Variants in RECQL observed in about 807,000 individuals in gnomAD.
The protein encoded by RECQL is ATP-dependent DNA helicase Q1.
In RECQL, 73 loss-of-function variants were observed where a neutral mutation model predicts 75.8. The observed-to-expected ratio is 0.96, with a 90% CI of 0.80 to 1.17. The LOEUF (loss-of-function observed/expected upper bound fraction) is 1.17, where lower values mean the gene tolerates loss of function less well. Among genes scored for constraint, RECQL ranks in the 50% most tolerant of loss-of-function variants. The pLI, the probability that RECQL is intolerant of heterozygous loss-of-function variation, is 0.00. For synonymous variants in RECQL, 248 were observed against 254.4 expected, an observed-to-expected ratio of 0.97 and a Z score of 0.24; for missense variants, 699 against 772.1, an observed-to-expected ratio of 0.91 and a Z score of 1.12.
In RECQL at chr12:21,473,650, C is replaced by A. The variant is rs1463056049; in HGVS notation, c.1356-8G>T. On this transcript the variant is annotated splice_polypyrimidine_tract_variant and splice_region_variant and intron_variant, in intron 11 of 14. Transcript: ENST00000444129. ...ATCAACACACGACGACATCTGCAAA[C>A]ACATTTAAAGATACAAATTATTAAA... 1 of 1,609,146 alleles carries A rather than the reference C, an allele frequency of 6.2e-7. No individual in the cohort carries two copies.
At chr12:21,482,771 T>C (rs867917468) in intron 6 of RECQL, among the ~76,000 whole-genome samples, 6 of 152,180 alleles carry the variant, frequency 3.9e-5, no homozygotes, top group Admixed American at 2.6e-4. Flanking sequence ...GGAAAACAGG[T>C]TGAAGCCAGG....
At chr12:21,472,231 C>A (rs1480282233) in intron 12 of RECQL, among the ~76,000 whole-genome samples, 1 of 152,020 alleles carries the variant, frequency 6.6e-6, no homozygotes, top group Non-Finnish European at 1.5e-5. Context: ...TCTTGAAATA[C>A]AACACACGGA....
intron 6 of RECQL, among the ~76,000 whole-genome samples, chr12:21,480,074 A>G (rs750852755): frequency 2.0e-4 from 31 of 152,304 alleles, no homozygotes; most frequent in Middle Eastern, 3.4e-3. Flanking sequence ...TAAACCAATA[A>G]ATATGCCATT....
At chr12:21,491,096 TAG>T (rs1256007718) in intron 3 of RECQL, among the ~76,000 whole-genome samples, 1 of 152,192 alleles carries the variant, frequency 6.6e-6, no homozygotes, top group Non-Finnish European at 1.5e-5. Context: ...CAATCCCTTC[TAG>T]AGTTATTCTA....
intron 6 of RECQL, among the ~76,000 whole-genome samples, chr12:21,479,445 C>A (rs764708044): frequency 1.3e-5 from 2 of 151,322 alleles, no homozygotes; most frequent in Non-Finnish European, 2.9e-5. Flanking sequence ...CTCCACCTCC[C>A]GGGTTCACGC....
chr12:21,470,926 T>C, intron 14 of RECQL, 43 bp downstream of exon 14: 5 of 1,348,180 alleles, frequency 3.7e-6, no homozygotes, highest in African/African-American at 1.5e-5. Context: ...GGCTTTAATA[T>C]ACTTTTTAAA....
At chr12:21,477,032 T>G in intron 7 of RECQL, 40 bp from the exon 8 acceptor site, 4 of 1,426,418 alleles carry the variant, frequency 2.8e-6, no homozygotes, top group Non-Finnish European at 3.9e-6. Context: ...AATGAATGAG[T>G]ACCATCCAAG....
At position 21,474,955 on chromosome 12, in the gene RECQL, C is replaced by T. The variant is rs149937760; in HGVS notation, c.1241G>A (p.Cys414Tyr). ...ATCTCCAAAGCCGTAGTACAAAATACAGTCTGCTTTCATGTCATCTCGACC... is the reference window on the plus strand; with the variant it reads ...ATCTCCAAAGCCGTAGTACAAAATATAGTCTGCTTTCATGTCATCTCGACC... ...RAGRDDMKAD[C>Y]ILYYGFGDIF... The change falls in exon 11 of 15, where the codon TGT becomes TAT. Residue 414 changes from cysteine (C) to tyrosine (Y), a missense_variant. Cys to Tyr is a radical substitution (Grantham distance 194). Coordinates refer to ENST00000444129, the MANE Select transcript of RECQL (RefSeq NM_002907.4). 2.2e-4 allele frequency: 348 copies of T among 1,612,696 alleles called. No homozygotes were observed. The highest frequency in any genetic ancestry group is 2.8e-4 in the Non-Finnish European group (333 of 1,179,102).
chr12:21,482,979 C>T (rs961692384), intron 6 of RECQL, among the ~76,000 whole-genome samples: 2 of 152,106 alleles, frequency 1.3e-5, no homozygotes, highest in African/African-American at 2.4e-5. Flanking sequence ...AACTTTGAAA[C>T]AGATGCAAAT....
rs2159943 is a variant in RECQL at position 21,474,811 on chromosome 12, A to G, written c.1355+30T>C. On this transcript the variant is annotated intron_variant, in intron 11 of 14. Transcript: ENST00000444129. ...TATACTTTCATATTTGCTTTAATTG[A>G]TAAAAGTTATAAAAAGGTATGTGGC... The G allele has an allele frequency of 0.43, 693,340 of 1,598,170 alleles. 155,392 individuals are homozygous for G. The highest frequency in any genetic ancestry group is 0.51 in the South Asian group (46,333 of 90,342).
chr12:21,475,638 A>G (rs1565564698), intron 9 of RECQL, 38 bp downstream of exon 9: 1 of 1,609,630 alleles, frequency 6.2e-7, no homozygotes, highest in Non-Finnish European at 8.5e-7. Context: ...AAATATTTTA[A>G]AGGTAAATTA....
intron 2 of RECQL, among the ~76,000 whole-genome samples, chr12:21,497,227 A>G (rs1420472354): frequency 6.6e-6 from 1 of 152,206 alleles, no homozygotes; most frequent in African/African-American, 2.4e-5. Flanking sequence ...AGGCGTGAAC[A>G]AGAAGTCTGA....
At chr12:21,475,910 A>G in intron 8 of RECQL, 86 bp from the exon 9 acceptor site, 1 of 1,063,754 alleles carries the variant, frequency 9.4e-7, no homozygotes, top group Non-Finnish European at 1.4e-6. Flanking sequence ...GACATTGATT[A>G]ATACAATGCA....
At chr12:21,479,214 C>T (rs1388817187) in intron 6 of RECQL, among the ~76,000 whole-genome samples, 1 of 152,156 alleles carries the variant, frequency 6.6e-6, no homozygotes, top group Non-Finnish European at 1.5e-5. Context: ...TAACATTCAT[C>T]GTGACTCTGC....
intron 7 of RECQL, 100 bp from the exon 8 acceptor site, chr12:21,477,092 G>GC: frequency 1.3e-6 from 1 of 741,832 alleles, no homozygotes; most frequent in Non-Finnish European, 2.1e-6. Context: ...TGACCATAGT[G>GC]TTTTTTTTCC....
chr12:21,478,789 G>A (rs1448759456), intron 6 of RECQL, among the ~76,000 whole-genome samples: 1 of 152,212 alleles, frequency 6.6e-6, no homozygotes, highest in Non-Finnish European at 1.5e-5. Context: ...GGTGGCAGAA[G>A]TGAACCAGCT....
chr12:21,475,014 C>G (rs538348076), intron 10 of RECQL, 35 bp from the exon 11 acceptor site: 3 of 1,592,364 alleles, frequency 1.9e-6, no homozygotes, highest in African/African-American at 1.3e-5. Context: ...TGCAGAATTA[C>G]ATTTACAAAT....
intron 7 of RECQL, 38 bp from the exon 8 acceptor site, chr12:21,477,030 A>C (rs750701910): frequency 6.9e-7 from 1 of 1,453,276 alleles, no homozygotes; most frequent in South Asian, 1.2e-5. Context: ...TAAATGAATG[A>C]GTACCATCCA....
rs189916616 is a variant in RECQL at position 21,479,633 on chromosome 12, G to A, written c.701-1664C>T. 4.3e-3 allele frequency among the ~76,000 whole-genome samples: 662 copies of A among 152,236 alleles called. 3 individuals carry two copies. The highest frequency in any genetic ancestry group is 6.3e-3 in the Non-Finnish European group (431 of 68,014). ...CTCCCAAAGTGCTGGGATTACAGGC[G>A]TGAGCCACCGCACCGAGCCCATCAT... On this transcript the variant is annotated intron_variant, in intron 6 of 14. Transcript: ENST00000444129.
Sources: allele counts gnomAD v4.1 joint callset (sites outside exome capture counted in the v4.1 genomes callset), GRCh38; gene constraint gnomAD v4.1.1; transcripts MANE v1.5; gene names NCBI Gene and HGNC (gene_info 2026-07-23, HGNC 2026-07-21).